Variants in GABRB1 observed in about 807,000 individuals in gnomAD.
GABRB1 encodes gamma-aminobutyric acid receptor subunit beta-1.
In GABRB1, 17 loss-of-function variants were observed where a neutral mutation model predicts 51.6. That is an observed-to-expected ratio of 0.33 (90% CI 0.23 to 0.49). GABRB1 has a LOEUF of 0.49. Ranked by LOEUF, GABRB1 falls within the 20% of genes least tolerant of loss-of-function variation. GABRB1 has a pLI of 0.99. For synonymous variants in GABRB1, 247 were observed against 218.9 expected, an observed-to-expected ratio of 1.13 and a Z score of -1.14; for missense variants, 410 against 600.6, an observed-to-expected ratio of 0.68 and a Z score of 3.32.
chr4:47,145,222 T>G (rs1411359544), intron 3 of GABRB1, among the ~76,000 whole-genome samples: 1 of 152,026 alleles, frequency 6.6e-6, no homozygotes, highest in Non-Finnish European at 1.5e-5. Flanking sequence ...ATTGAAAACC[T>G]TTCTTGTCAA....
At chr4:47,044,870 C>G (rs1016302150) in intron 3 of GABRB1, among the ~76,000 whole-genome samples, 3 of 151,996 alleles carry the variant, frequency 2.0e-5, no homozygotes, top group African/African-American at 7.2e-5. Context: ...CCCCTCTTCC[C>G]TCCTGATAAT....
intron 1 of GABRB1, among the ~76,000 whole-genome samples, chr4:47,009,361 A>G (rs1003117906): frequency 6.6e-6 from 1 of 152,080 alleles, no homozygotes; most frequent in Non-Finnish European, 1.5e-5. Flanking sequence ...AAAAGTTTTA[A>G]AAACACTACC....
At chr4:47,012,346 C>T (rs556680297) in intron 1 of GABRB1, among the ~76,000 whole-genome samples, 4 of 152,216 alleles carry the variant, frequency 2.6e-5, no homozygotes, top group East Asian at 3.9e-4. Flanking sequence ...TCTCCCTCCT[C>T]CCACCCTCCA....
intron 4 of GABRB1, among the ~76,000 whole-genome samples, chr4:47,176,657 G>A (rs192822184): frequency 3.6e-4 from 55 of 152,204 alleles, no homozygotes; most frequent in Admixed American, 3.5e-3. Flanking sequence ...TTTCACCAAG[G>A]AAGAGAGCAT....
Position 47,033,537 on chromosome 4 carries a change from A to G in GABRB1, c.240+1053A>G, listed in dbSNP as rs532097605. On this transcript the variant is annotated intron_variant, in intron 3 of 8. Transcript: ENST00000295454. The stretch of plus-strand genomic sequence containing the variant: ...ATGTTATGGCGGCAGAAATTTATAA[A>G]TCCTGAATAATTTAAAGAGTAAAAC... Among the ~76,000 whole-genome samples, 9 of 152,332 alleles carry G rather than the reference A, an allele frequency of 5.9e-5. No homozygotes were observed. In the East Asian group the frequency reaches 1.7e-3, roughly 29 times the overall value.
chr4:47,000,524 G>C (rs117236291), intron 1 of GABRB1, among the ~76,000 whole-genome samples: 1 of 152,176 alleles, frequency 6.6e-6, no homozygotes, highest in Non-Finnish European at 1.5e-5. Context: ...AGTGCACATA[G>C]TTTGACTAGG....
intron 3 of GABRB1, among the ~76,000 whole-genome samples, chr4:47,107,445 C>T (rs983277628): frequency 6.6e-6 from 1 of 151,974 alleles, no homozygotes; most frequent in African/African-American, 2.4e-5. Flanking sequence ...ATTGATTTCA[C>T]TCATCAGAAT....
chr4:47,378,340 C>A (rs906675485), intron 5 of GABRB1, among the ~76,000 whole-genome samples: 1 of 152,216 alleles, frequency 6.6e-6, no homozygotes, highest in African/African-American at 2.4e-5. Flanking sequence ...GCCGGCCGGC[C>A]GCTCCAAGTG....
At chr4:47,208,964 A>T (rs1720246772) in intron 4 of GABRB1, among the ~76,000 whole-genome samples, 1 of 152,088 alleles carries the variant, frequency 6.6e-6, no homozygotes, top group African/African-American at 2.4e-5. Context: ...AATTGACTTG[A>T]TATTAAAATG....
chr4:47,081,792 A>G (rs1270342514), intron 3 of GABRB1, among the ~76,000 whole-genome samples: 1 of 152,186 alleles, frequency 6.6e-6, no homozygotes, highest in African/African-American at 2.4e-5. Context: ...TAGTAGGGCA[A>G]TATATATCTG....
intron 5 of GABRB1, among the ~76,000 whole-genome samples, chr4:47,376,602 G>T (rs527606653): frequency 6.6e-6 from 1 of 152,264 alleles, no homozygotes; most frequent in Non-Finnish European, 1.5e-5. Context: ...AGCCGAGACC[G>T]CACCACTGCA....
chr4:47,098,054 C>G (rs1714533772), intron 3 of GABRB1, among the ~76,000 whole-genome samples: 1 of 152,044 alleles, frequency 6.6e-6, no homozygotes, highest in South Asian at 2.1e-4. Context: ...TTTCCACAGC[C>G]TCTTCTTAAA....
intron 8 of GABRB1, among the ~76,000 whole-genome samples, chr4:47,423,086 T>C (rs1334330888): frequency 6.7e-6 from 1 of 149,304 alleles, no homozygotes; most frequent in Admixed American, 6.7e-5. Flanking sequence ...AAAATCAACA[T>C]CAACACAAAG....
intron 5 of GABRB1, among the ~76,000 whole-genome samples, chr4:47,323,572 T>C (rs1725155984): frequency 6.6e-6 from 1 of 152,176 alleles, no homozygotes; most frequent in Non-Finnish European, 1.5e-5. Context: ...TGATTACAAA[T>C]GAGAGGCTCT....
At chr4:47,298,883 A>G (rs1724126183) in intron 4 of GABRB1, among the ~76,000 whole-genome samples, 1 of 152,010 alleles carries the variant, frequency 6.6e-6, no homozygotes, top group Non-Finnish European at 1.5e-5. Flanking sequence ...ACTGGTACCA[A>G]AACAGAGATA....
intron 5 of GABRB1, among the ~76,000 whole-genome samples, chr4:47,398,288 G>A (rs963933903): frequency 3.3e-5 from 5 of 151,960 alleles, no homozygotes; most frequent in Non-Finnish European, 1.5e-5. Context: ...TAATTCTTTG[G>A]AGTTTACTGA....
intron 5 of GABRB1, among the ~76,000 whole-genome samples, chr4:47,324,091 C>T (rs1046744573): frequency 6.6e-6 from 1 of 152,042 alleles, no homozygotes; most frequent in Non-Finnish European, 1.5e-5. Context: ...TTAATCTCAT[C>T]CACTCATTTA....
At chr4:47,052,359 A>G (rs1726387759) in intron 3 of GABRB1, among the ~76,000 whole-genome samples, 1 of 152,210 alleles carries the variant, frequency 6.6e-6, no homozygotes, top group African/African-American at 2.4e-5. Flanking sequence ...GATTTCCTGT[A>G]GGATCTCCTT....
chr4:47,012,771 A>G (rs1214118264), intron 1 of GABRB1, among the ~76,000 whole-genome samples: 1 of 152,128 alleles, frequency 6.6e-6, no homozygotes, highest in Non-Finnish European at 1.5e-5. Context: ...TTCTGTATAC[A>G]TGGGAGAGAA....
Sources: gnomAD v4.1 joint callset for allele counts (sites outside exome capture counted in the v4.1 genomes callset) on GRCh38, gnomAD v4.1.1 for gene constraint, MANE v1.5 for transcripts, NCBI Gene and HGNC (gene_info 2026-07-23, HGNC 2026-07-21) for gene names.